CSNK2A2IP: variants seen among roughly 807,000 people sequenced by gnomAD.
CSNK2A2IP encodes casein kinase 2 subunit alpha' interacting protein, also known as casein kinase II subunit alpha'-interacting protein.
the CSNK2A2IP span, among the ~76,000 whole-genome samples, chr3:88,369,946 C>T: frequency 9.0e-4 from 137 of 151,962 alleles, no homozygotes; most frequent in African/African-American, 3.1e-3. Flanking sequence ...CTAAACAAAA[C>T]AGACAAGGCG....
the CSNK2A2IP span, among the ~76,000 whole-genome samples, chr3:88,369,498 C>G: frequency 6.6e-6 from 1 of 152,058 alleles, no homozygotes; most frequent in African/African-American, 2.4e-5. Context: ...GAAAGTGTAA[C>G]ATTGTGGCTT....
the CSNK2A2IP span, among the ~76,000 whole-genome samples, chr3:88,386,590 C>T: frequency 1.3e-5 from 2 of 152,070 alleles, no homozygotes; most frequent in Admixed American, 6.6e-5. Context: ...ATTAGGAAAG[C>T]AGAGTGTAAA....
At chr3:88,348,479 A>G in the CSNK2A2IP span, among the ~76,000 whole-genome samples, 1 of 152,058 alleles carries the variant, frequency 6.6e-6, no homozygotes, top group Non-Finnish European at 1.5e-5. Flanking sequence ...AGAAGACACT[A>G]TAGAAAATAT....
At chr3:88,409,779 T>G in the CSNK2A2IP span, among the ~76,000 whole-genome samples, 2 of 152,086 alleles carry the variant, frequency 1.3e-5, no homozygotes, top group Non-Finnish European at 2.9e-5. Context: ...CGTCTCCTAG[T>G]AAAGTCAGTG....
the CSNK2A2IP span, among the ~76,000 whole-genome samples, chr3:88,380,119 C>T: frequency 2.0e-5 from 3 of 151,778 alleles, no homozygotes; most frequent in South Asian, 4.1e-4. Context: ...ATGCAATTCT[C>T]CATTGTTATA....
the CSNK2A2IP span, among the ~76,000 whole-genome samples, chr3:88,459,951 A>G: frequency 2.6e-4 from 40 of 152,120 alleles, no homozygotes; most frequent in African/African-American, 9.2e-4. Flanking sequence ...TCTGCGAATG[A>G]ACTAAGTGAA....
the CSNK2A2IP span, among the ~76,000 whole-genome samples, chr3:88,386,212 T>A: frequency 6.6e-6 from 1 of 152,162 alleles, no homozygotes; most frequent in African/African-American, 2.4e-5. Flanking sequence ...GCAACCTCCA[T>A]CTCCCAGGTT....
At chr3:88,376,610 C>T in the CSNK2A2IP span, among the ~76,000 whole-genome samples, 2 of 151,684 alleles carry the variant, frequency 1.3e-5, no homozygotes, top group Non-Finnish European at 2.9e-5. Context: ...TGTTTACATT[C>T]ACTATTTTTT....
At chr3:88,441,352 A>C in the CSNK2A2IP span, among the ~76,000 whole-genome samples, 1 of 152,174 alleles carries the variant, frequency 6.6e-6, no homozygotes, top group Non-Finnish European at 1.5e-5. Flanking sequence ...AAGTTTTATT[A>C]CTGTGGGAAG....
At chr3:88,420,853 T>C in the CSNK2A2IP span, among the ~76,000 whole-genome samples, 1 of 152,246 alleles carries the variant, frequency 6.6e-6, no homozygotes, top group East Asian at 1.9e-4. Flanking sequence ...TCAGAAATGA[T>C]ATTGGGTTCA....
At chr3:88,362,051 T>C in the CSNK2A2IP span, among the ~76,000 whole-genome samples, 1 of 152,160 alleles carries the variant, frequency 6.6e-6, no homozygotes, top group African/African-American at 2.4e-5. Flanking sequence ...CTATTTTAAA[T>C]TTCTTATCTG....
the CSNK2A2IP span, chr3:88,466,592 G>T: frequency 8.1e-7 from 1 of 1,231,546 alleles, no homozygotes; most frequent in Non-Finnish European, 1.0e-6. Context: ...GAAATTCCTT[G>T]GACTTTAAAG....
At chr3:88,406,776 C>G in the CSNK2A2IP span, among the ~76,000 whole-genome samples, 1 of 151,938 alleles carries the variant, frequency 6.6e-6, no homozygotes, top group South Asian at 2.1e-4. Flanking sequence ...TTGTTGGTCT[C>G]TGGAAAGAAA....
At chr3:88,401,810 A>C in the CSNK2A2IP span, among the ~76,000 whole-genome samples, 8 of 152,110 alleles carry the variant, frequency 5.3e-5, no homozygotes, top group Non-Finnish European at 1.0e-4. Flanking sequence ...AGAAGAACAC[A>C]GGGAAAAAAA....
chr3:88,459,569 C>T, the CSNK2A2IP span, among the ~76,000 whole-genome samples: 1 of 151,974 alleles, frequency 6.6e-6, no homozygotes, highest in Admixed American at 6.5e-5. Flanking sequence ...TTCTTTAATA[C>T]ATTGGCCAGA....
chr3:88,420,229 G>T, the CSNK2A2IP span, among the ~76,000 whole-genome samples: 3 of 152,158 alleles, frequency 2.0e-5, no homozygotes, highest in Non-Finnish European at 4.4e-5. Flanking sequence ...TATCATAGAG[G>T]TATGTCTCAC....
chr3:88,352,151 TAA>T, the CSNK2A2IP span, among the ~76,000 whole-genome samples: 8 of 152,196 alleles, frequency 5.3e-5, no homozygotes, highest in Non-Finnish European at 7.4e-5. Context: ...ACTAAAATGA[TAA>T]AAATGTTTTA....
At chr3:88,347,587 C>T in the CSNK2A2IP span, among the ~76,000 whole-genome samples, 1 of 151,958 alleles carries the variant, frequency 6.6e-6, no homozygotes, top group East Asian at 1.9e-4. Context: ...AGTATGTACA[C>T]TTTTCTAGAC....
chr3:88,388,991 C>A, the CSNK2A2IP span, among the ~76,000 whole-genome samples: 2 of 143,704 alleles, frequency 1.4e-5, no homozygotes, highest in East Asian at 2.0e-4. Flanking sequence ...AACCAGCAGA[C>A]CAAAAACCTC....
Sources: gnomAD v4.1 joint callset for allele counts (sites outside exome capture counted in the v4.1 genomes callset) on GRCh38, gnomAD v4.1.1 for gene constraint, MANE v1.5 for transcripts, NCBI Gene and HGNC (gene_info 2026-07-23, HGNC 2026-07-21) for gene names.